GPC6: variants seen among roughly 807,000 people sequenced by gnomAD.
GPC6 encodes the protein glypican-6.
GPC6 carries 14 observed loss-of-function variants against 55.2 expected under a neutral mutation model. The observed-to-expected ratio is 0.25, with a 90% CI of 0.17 to 0.40. The LOEUF (loss-of-function observed/expected upper bound fraction) is 0.40. GPC6 is among the 10% of genes least tolerant of loss of function. GPC6 has a pLI of 1.00. For synonymous variants in GPC6, 278 were observed against 259.6 expected (o/e 1.07, Z -0.68); for missense variants, 641 against 708.5 (o/e 0.90, Z 1.08).
rs56074677 is a variant in GPC6, at chr13:94,339,751, C to CTTTTTTTTTTTT, written c.1152+33646_1152+33657dup. On this transcript the variant is annotated intron_variant, in intron 6 of 8. Coordinates refer to ENST00000377047, the MANE Select transcript of GPC6 (RefSeq NM_005708.5). Reference sequence around the variant, plus strand: ...TTAAGTCTGCAACCTGCATACTTTCCTTTTTTTTTTTTTTTTTTTTTTTTT... The same window carrying CTTTTTTTTTTTT: ...TTAAGTCTGCAACCTGCATACTTTCCTTTTTTTTTTTTTTTTTTTTTTTTTTTTTTTTTTTTT... Among the ~76,000 whole-genome samples, 53 of 63,808 alleles carry CTTTTTTTTTTTT rather than the reference C, an allele frequency of 8.3e-4. 2 individuals are homozygous for CTTTTTTTTTTTT. The highest frequency in any genetic ancestry group is 2.3e-3 in the African/African-American group (33 of 14,644). 41.9% of individuals were successfully genotyped at this position (63,808 alleles called of 152,430 possible).
At chr13:93,364,909 C>T (rs1881185686) in intron 1 of GPC6, among the ~76,000 whole-genome samples, 1 of 151,952 alleles carries the variant, frequency 6.6e-6, no homozygotes, top group Admixed American at 6.6e-5. Flanking sequence ...CGGTCTGTCT[C>T]CATTTATGGA....
chr13:93,360,897 T>C (rs1881020807), intron 1 of GPC6, among the ~76,000 whole-genome samples: 1 of 152,144 alleles, frequency 6.6e-6, no homozygotes, highest in South Asian at 2.1e-4. Context: ...AGCCTTTAAC[T>C]CCGTGACCCC....
At chr13:93,655,471 A>G (rs1372303319) in intron 2 of GPC6, among the ~76,000 whole-genome samples, 2 of 152,186 alleles carry the variant, frequency 1.3e-5, no homozygotes, top group Non-Finnish European at 2.9e-5. Context: ...GGCGGTGTAA[A>G]GGTTTAAATA....
At chr13:93,882,683 T>C (rs943350035) in intron 3 of GPC6, among the ~76,000 whole-genome samples, 1 of 152,166 alleles carries the variant, frequency 6.6e-6, no homozygotes, top group African/African-American at 2.4e-5. Context: ...GAACATTTTT[T>C]AAAAGATCTG....
intron 1 of GPC6, among the ~76,000 whole-genome samples, chr13:93,244,133 A>G (rs983712699): frequency 1.3e-5 from 2 of 152,156 alleles, no homozygotes; most frequent in Non-Finnish European, 2.9e-5. Flanking sequence ...GTAATGTTTC[A>G]GAGAGGAATG....
At chr13:93,263,260 C>T (rs1877210603) in intron 1 of GPC6, among the ~76,000 whole-genome samples, 1 of 152,194 alleles carries the variant, frequency 6.6e-6, no homozygotes, top group Non-Finnish European at 1.5e-5. Context: ...CTTATTAGCT[C>T]ATAGCCTCTG....
At chr13:93,833,117 GA>G (rs1887589291) in intron 3 of GPC6, among the ~76,000 whole-genome samples, 2 of 66,972 alleles carry the variant, frequency 3.0e-5, no homozygotes, top group East Asian at 7.4e-4. Flanking sequence ...TAGAGAGAGA[GA>G]GAGAGAGAGA....
chr13:93,739,141 G>A (rs934690859), intron 2 of GPC6, among the ~76,000 whole-genome samples: 1 of 152,114 alleles, frequency 6.6e-6, no homozygotes. Flanking sequence ...AATATGGCCC[G>A]CAGTGCCTTT....
chr13:93,397,179 A>G (rs901685570), intron 1 of GPC6, among the ~76,000 whole-genome samples: 2 of 152,200 alleles, frequency 1.3e-5, no homozygotes, highest in Non-Finnish European at 2.9e-5. Flanking sequence ...ATTTATATTT[A>G]AAAATATCCT....
At chr13:93,565,918 T>C (rs1262969223) in intron 2 of GPC6, among the ~76,000 whole-genome samples, 9 of 134,822 alleles carry the variant, frequency 6.7e-5, no homozygotes, top group Non-Finnish European at 1.4e-4. Flanking sequence ...TGAGACTCTG[T>C]CTCAAAACAA....
intron 4 of GPC6, among the ~76,000 whole-genome samples, chr13:94,176,819 A>G (rs1201134040): frequency 1.3e-5 from 2 of 152,232 alleles, no homozygotes; most frequent in Non-Finnish European, 2.9e-5. Flanking sequence ...GCAGAAGCAG[A>G]TGTATGCTTC....
intron 7 of GPC6, among the ~76,000 whole-genome samples, chr13:94,392,649 G>A (rs990803548): frequency 1.3e-5 from 2 of 149,290 alleles, no homozygotes; most frequent in Admixed American, 1.3e-4. Context: ...GGCTGGTCTC[G>A]AACTCTCGAC....
chr13:93,305,102 A>G (rs1253253811), intron 1 of GPC6, among the ~76,000 whole-genome samples: 1 of 152,120 alleles, frequency 6.6e-6, no homozygotes, highest in African/African-American at 2.4e-5. Context: ...TTCCAGCAGG[A>G]GCTCTTAACA....
chr13:94,295,490 T>G (rs1433571362), intron 5 of GPC6, among the ~76,000 whole-genome samples: 1 of 152,056 alleles, frequency 6.6e-6, no homozygotes, highest in Non-Finnish European at 1.5e-5. Context: ...AACCCATGGA[T>G]GTATGGTGTT....
chr13:93,874,680 C>A (rs1233423629), intron 3 of GPC6, among the ~76,000 whole-genome samples: 3 of 151,060 alleles, frequency 2.0e-5, no homozygotes, highest in African/African-American at 4.9e-5. Flanking sequence ...GACTCTGATT[C>A]TGTAGGTCTC....
chr13:93,757,000 T>C (rs1266355090), intron 2 of GPC6, among the ~76,000 whole-genome samples: 2 of 152,160 alleles, frequency 1.3e-5, no homozygotes, highest in African/African-American at 4.8e-5. Flanking sequence ...ACATTTTACA[T>C]CGCAAAGATT....
intron 4 of GPC6, among the ~76,000 whole-genome samples, chr13:94,143,921 A>C (rs1887468524): frequency 6.6e-6 from 1 of 152,190 alleles, no homozygotes; most frequent in Non-Finnish European, 1.5e-5. Flanking sequence ...ATAGCAATTG[A>C]AAGTAAGGCT....
At chr13:93,574,552 G>C (rs1876566608) in intron 2 of GPC6, among the ~76,000 whole-genome samples, 1 of 152,122 alleles carries the variant, frequency 6.6e-6, no homozygotes. Flanking sequence ...ATTTTATCAT[G>C]TTTTGTTACA....
intron 1 of GPC6, among the ~76,000 whole-genome samples, chr13:93,538,833 C>T (rs1210198381): frequency 6.6e-6 from 1 of 152,044 alleles, no homozygotes; most frequent in African/African-American, 2.4e-5. Context: ...CCCTTAACAT[C>T]TATTTCACCA....
Sources: allele counts gnomAD v4.1 joint callset (sites outside exome capture counted in the v4.1 genomes callset), GRCh38; gene constraint gnomAD v4.1.1; transcripts MANE v1.5; gene names NCBI Gene and HGNC (gene_info 2026-07-23, HGNC 2026-07-21).